ZNF18: variants seen among roughly 807,000 people sequenced by gnomAD.
The protein encoded by ZNF18 is heart development-specific gene 1 protein.
ZNF18 carries 42 observed loss-of-function variants against 58.1 expected under a neutral mutation model. The observed-to-expected ratio is 0.72, with a 90% CI of 0.56 to 0.93. The LOEUF (loss-of-function observed/expected upper bound fraction) is 0.93. ZNF18 is among the 40% of genes least tolerant of loss of function. The probability of loss-of-function intolerance (pLI) is 0.00; values close to 1 mark genes in which losing one functional copy is unlikely to be tolerated. For synonymous variants in ZNF18, 231 were observed against 239.8 expected (o/e 0.96, Z 0.34); for missense variants, 540 against 644.2 (o/e 0.84, Z 1.75).
chr17:12,020,083 A>G, the ZNF18 span, among the ~76,000 whole-genome samples: 1 of 152,210 alleles, frequency 6.6e-6, no homozygotes, highest in East Asian at 1.9e-4. Context: ...TTGTCATTTT[A>G]TGTAACTTAC....
chr17:12,010,962 T>C, the ZNF18 span: 1 of 709,160 alleles, frequency 1.4e-6, no homozygotes, highest in South Asian at 1.4e-5. Flanking sequence ...ACATTAATTC[T>C]CTTGGCAAGA....
At chr17:12,001,198 C>T (rs1489120445), upstream of ZNF18, among the ~76,000 whole-genome samples, 1 of 152,110 alleles carries the variant, frequency 6.6e-6, no homozygotes, top group Non-Finnish European at 1.5e-5. Flanking sequence ...AGTTACAAGC[C>T]ACACCAAAAA....
At chr17:12,011,872 T>C in the ZNF18 span, among the ~76,000 whole-genome samples, 1 of 151,494 alleles carries the variant, frequency 6.6e-6, no homozygotes. Flanking sequence ...AGCTAATTTT[T>C]GTATTTTTAG....
chr17:11,997,397 C>T (rs1285360438), intron 1 of ZNF18, 34 bp downstream of exon 1: 1 of 152,228 alleles, frequency 6.6e-6, no homozygotes, highest in East Asian at 1.9e-4. Flanking sequence ...CCCCGAGCGG[C>T]CGGAGGCCGG....
chr17:11,980,925 T>C (rs567948984), intron 6 of ZNF18, among the ~76,000 whole-genome samples: 59 of 152,368 alleles, frequency 3.9e-4, no homozygotes, highest in African/African-American at 1.4e-3. Context: ...TTGCATGTTA[T>C]ATTCTTCCAG....
chr17:11,981,066 A>G (rs1967310066), intron 6 of ZNF18, among the ~76,000 whole-genome samples: 1 of 151,582 alleles, frequency 6.6e-6, no homozygotes, highest in South Asian at 2.1e-4. Flanking sequence ...ATAACAGCAT[A>G]TTCACTCTCT....
At chr17:12,020,865 G>A in the ZNF18 span, 10 of 947,324 alleles carry the variant, frequency 1.1e-5, no homozygotes, top group African/African-American at 1.7e-5. Flanking sequence ...CCGCGGCGCC[G>A]CTCGGCTCTT....
At chr17:12,016,415 C>T in the ZNF18 span, among the ~76,000 whole-genome samples, 5 of 152,096 alleles carry the variant, frequency 3.3e-5, no homozygotes, top group African/African-American at 4.8e-5. Context: ...CTGCAACCTC[C>T]GCCTCCTGGG....
At chr17:11,991,237 C>G (rs954902501) in intron 2 of ZNF18, 74 bp from the exon 3 acceptor site, 60 of 1,294,504 alleles carry the variant, frequency 4.6e-5, no homozygotes, top group Non-Finnish European at 4.4e-5. Context: ...AAAGCTTACT[C>G]TCTACAACAG....
chr17:12,021,280 C>T, the ZNF18 span: 3 of 228,854 alleles, frequency 1.3e-5, no homozygotes, highest in Non-Finnish European at 2.5e-5. Context: ...CCACCTGGTC[C>T]GGGACCGCCC....
the ZNF18 span, chr17:12,009,287 T>C: frequency 6.6e-6 from 1 of 152,038 alleles, no homozygotes; most frequent in Non-Finnish European, 1.5e-5. Flanking sequence ...CTTCTAGAAC[T>C]GCCTGCTCCA....
intron 4 of ZNF18, among the ~76,000 whole-genome samples, chr17:11,985,792 A>G (rs978603931): frequency 2.0e-5 from 3 of 152,226 alleles, no homozygotes; most frequent in African/African-American, 7.2e-5. Flanking sequence ...TTACCATCAC[A>G]TGCAGTCTCC....
rs200385412 is a variant in ZNF18 at position 11,983,377 on chromosome 17, G to A, written c.782C>T (p.Thr261Ile). The change falls in exon 6 of 7, where the codon ACT becomes ATT. Residue 261 changes from threonine (T) to isoleucine (I), a missense_variant. Physicochemically the swap from Thr to Ile is moderately conservative, Grantham distance 89. Coordinates refer to ENST00000580306, the MANE Select transcript of ZNF18 (RefSeq NM_001303281.2). ...AGISHPKSDL[T>I]NSIEFGEELA... ...CTCTTCCCCAAATTCTATTGAATTA[G>A]TCAGGTCAGATTTGGGATGGGAAAT... The A allele has an allele frequency of 4.2e-5, 67 of 1,613,998 alleles. No individual in the cohort carries two copies. In the East Asian group the frequency reaches 1.1e-3, roughly 26 times the overall value.
At chr17:12,001,736 G>A (rs8069647), upstream of ZNF18, among the ~76,000 whole-genome samples, 95,458 of 152,056 alleles carry the variant, frequency 0.63, 30,640 homozygotes, top group East Asian at 0.81. Flanking sequence ...GGTGATGAAT[G>A]TATTAACTTG....
upstream of ZNF18, among the ~76,000 whole-genome samples, chr17:11,999,544 G>A (rs1325705431): frequency 6.6e-6 from 1 of 152,134 alleles, no homozygotes; most frequent in Non-Finnish European, 1.5e-5. Context: ...CTCAGCTTAG[G>A]AAATAATGAA....
At chr17:12,001,078 TGAGTA>T (rs1449181704), upstream of ZNF18, among the ~76,000 whole-genome samples, 2 of 152,174 alleles carry the variant, frequency 1.3e-5, no homozygotes, top group Admixed American at 1.3e-4. Context: ...AAAATGTTCT[TGAGTA>T]GAGATTGATT....
At chr17:11,994,450 G>A (rs1420571689) in intron 1 of ZNF18, among the ~76,000 whole-genome samples, 1 of 152,168 alleles carries the variant, frequency 6.6e-6, no homozygotes, top group Non-Finnish European at 1.5e-5. Flanking sequence ...AAGCTTAGCA[G>A]TCTATTGACT....
At chr17:12,021,290 C>G in the ZNF18 span, 16 of 214,316 alleles carry the variant, frequency 7.5e-5, no homozygotes, top group East Asian at 1.5e-3. Context: ...CGGGACCGCC[C>G]CCGCGGCCGT....
Position 11,992,596 on chromosome 17 carries a change from C to T in ZNF18, c.234G>A (p.Glu78=). The part of the protein sequence containing the change: ...QWLQPEVHTK[E]QILEILMLEQ... ...CCAACATGAGGATCTCTAGGATCTG[C>T]TCTTTGGTGTGAACCTCTGGCTGTA... Residue 78 remains glutamate, a synonymous_variant, in exon 2 of 7, where the codon GAG becomes GAA. Transcript: ENST00000580306. 1.9e-6 allele frequency: 3 copies of T among 1,614,212 alleles called. No individual in the cohort carries two copies. Among genetic ancestry groups the T allele is most frequent in the South Asian group, 1.1e-5 (1 of 91,090 alleles).
Sources: allele counts gnomAD v4.1 joint callset (sites outside exome capture counted in the v4.1 genomes callset), GRCh38; gene constraint gnomAD v4.1.1; transcripts MANE v1.5; gene names NCBI Gene and HGNC (gene_info 2026-07-23, HGNC 2026-07-21).